The following NSUN7 variants were observed in gnomAD, a reference collection of about 807,000 sequenced individuals.
NSUN7 encodes protein NSUN7.
A neutral mutation model predicts 58.5 loss-of-function variants in NSUN7; 39 were observed. The observed-to-expected ratio is 0.67, with a 90% confidence interval of 0.52 to 0.87. The LOEUF is 0.87. Ranked by LOEUF, NSUN7 falls within the 40% of genes least tolerant of loss-of-function variation. NSUN7 has a pLI of 0.00. For synonymous variants in NSUN7, 278 were observed against 303.7 expected, an observed-to-expected ratio of 0.92 and a Z score of 0.88; for missense variants, 765 against 844.1, an observed-to-expected ratio of 0.91 and a Z score of 1.16.
chr4:40,794,463 A>G lies in NSUN7; in HGVS notation c.1269A>G (p.Thr423=). The G allele has an allele frequency of 6.2e-7, 1 of 1,604,350 alleles. No individual in the cohort carries two copies. The highest frequency in any genetic ancestry group is 1.3e-5 in the African/African-American group (1 of 74,826). The change falls in exon 9 of 12, where the codon ACA becomes ACG. Residue 423 remains threonine, a synonymous_variant. Coordinates refer to ENST00000381782, the MANE Select transcript of NSUN7 (RefSeq NM_024677.6). The part of the protein sequence containing the change: ...VLAQQQYEQL[T]HAMKFTKAQA... ...CTCAACAGCAGTATGAACAGCTAAC[A>G]CATGCAATGAAATGTAAGGTTGTCA... is the stretch of plus-strand genomic sequence containing the variant.
intron 10 of NSUN7, among the ~76,000 whole-genome samples, chr4:40,805,652 T>A (rs957374295): frequency 1.3e-5 from 2 of 152,166 alleles, no homozygotes; most frequent in Non-Finnish European, 2.9e-5. Context: ...TGGCTTATGA[T>A]AACAAACATT....
intron 7 of NSUN7, among the ~76,000 whole-genome samples, chr4:40,785,136 A>C (rs1331216884): frequency 1.3e-5 from 2 of 151,834 alleles, no homozygotes; most frequent in African/African-American, 4.8e-5. Context: ...CCTGGGTGCA[A>C]ACAGTCCTCC....
chr4:40,793,774 A>G (rs545797783), intron 8 of NSUN7, among the ~76,000 whole-genome samples: 1 of 152,360 alleles, frequency 6.6e-6, no homozygotes, highest in South Asian at 2.1e-4. Flanking sequence ...TAATTCTTCA[A>G]GAGGTCGTTA....
At chr4:40,774,636 A>G (rs1354992171) in intron 5 of NSUN7, 131 bp from the exon 6 acceptor site, 1 of 719,430 alleles carries the variant, frequency 1.4e-6, no homozygotes, top group African/African-American at 1.8e-5. Flanking sequence ...ATTGTTGGTT[A>G]AAATTGTTAG....
At chr4:40,792,593 T>C (rs1409214725) in intron 8 of NSUN7, among the ~76,000 whole-genome samples, 2 of 151,856 alleles carry the variant, frequency 1.3e-5, no homozygotes, top group South Asian at 2.1e-4. Context: ...CTACTAAAAA[T>C]ACAAAAAATT....
intron 10 of NSUN7, among the ~76,000 whole-genome samples, chr4:40,802,098 T>C (rs948121385): frequency 3.9e-5 from 6 of 152,154 alleles, no homozygotes; most frequent in Non-Finnish European, 7.3e-5. Context: ...AATTGAGTTT[T>C]CTGCTGTTTA....
intron 7 of NSUN7, among the ~76,000 whole-genome samples, chr4:40,787,564 C>T (rs991430063): frequency 1.3e-5 from 2 of 151,946 alleles, no homozygotes; most frequent in African/African-American, 2.4e-5. Context: ...GACAACTTGC[C>T]AAAACTGAGA....
At chr4:40,760,384 T>G in intron 2 of NSUN7, 50 bp from the exon 3 acceptor site, 1 of 1,418,768 alleles carries the variant, frequency 7.0e-7, no homozygotes, top group East Asian at 2.3e-5. Context: ...TCCAGAGTTT[T>G]CATTTTCCGC....
Position 40,761,300 on chromosome 4 carries a change from A to G in NSUN7, c.487A>G (p.Ser163Gly). The G allele has an allele frequency of 3.1e-6, 5 of 1,598,006 alleles. No individual in the cohort carries two copies. Among genetic ancestry groups the G allele is most frequent in the Non-Finnish European group, 4.3e-6 (5 of 1,174,516 alleles). ...TCAAGAAGTAGAGAACCTTCTTAAC[A>G]GGTAATCGTAAAAGTGAAAAGAATG... is the stretch of plus-strand genomic sequence containing the variant. ...EVQEVENLLN[S>G]FKIKLAAALA... The change falls in exon 4 of 12, where the codon AGT becomes GGT. Residue 163 changes from serine to glycine, a missense_variant and splice_region_variant. Coordinates refer to ENST00000381782, the MANE Select transcript of NSUN7 (RefSeq NM_024677.6).
intron 10 of NSUN7, among the ~76,000 whole-genome samples, chr4:40,801,915 A>AAAAAG (rs1560564979): frequency 6.0e-5 from 9 of 150,328 alleles, no homozygotes; most frequent in Non-Finnish European, 7.4e-5. Context: ...AAAAAAAAAA[A>AAAAAG]AAAAGAAAAG....
At chr4:40,806,963 T>C in intron 10 of NSUN7, 98 bp from the exon 11 acceptor site, 2 of 1,268,246 alleles carry the variant, frequency 1.6e-6, no homozygotes, top group African/African-American at 1.5e-5. Context: ...AAACGATTGG[T>C]AAAGTATACT....
chr4:40,776,621 T>G (rs1742281908), intron 7 of NSUN7: 1 of 181,444 alleles, frequency 5.5e-6, no homozygotes, highest in Non-Finnish European at 1.2e-5. Context: ...AGAAGCTAAG[T>G]CTTTTTTTTT....
At chr4:40,783,704 C>T (rs921837678) in intron 7 of NSUN7, among the ~76,000 whole-genome samples, 8 of 151,876 alleles carry the variant, frequency 5.3e-5, no homozygotes, top group South Asian at 2.1e-4. Context: ...AAAAATTAGC[C>T]GGGAATGGTG....
At position 40,792,735 on chromosome 4, in the gene NSUN7, GC is replaced by G. The variant is rs1253335139; in HGVS notation, c.1181-1639del. ...CCACTGCACTCCAGCCTGGGCGACA[GC>G]AAGACTCCATCTCATTTAAAAAAAA... is the stretch of plus-strand genomic sequence containing the variant. On this transcript the variant is annotated intron_variant, in intron 8 of 11. Transcript: ENST00000381782. 7.0e-4 allele frequency among the ~76,000 whole-genome samples: 104 copies of G among 149,556 alleles called. No individual in the cohort carries two copies. In the Admixed American group the frequency reaches 7.0e-3, roughly 10 times the overall value.
At chr4:40,789,033 T>A (rs1055981338) in intron 7 of NSUN7, among the ~76,000 whole-genome samples, 4 of 152,280 alleles carry the variant, frequency 2.6e-5, no homozygotes, top group Admixed American at 2.6e-4. Flanking sequence ...GAAAAAGGGT[T>A]TTAGAATTAG....
Position 40,807,157 on chromosome 4 carries a change from T to C in NSUN7, c.1497T>C (p.Gly499=). The C allele has an allele frequency of 6.5e-7, 1 of 1,549,064 alleles. No homozygotes were observed. The highest frequency in any genetic ancestry group is 8.7e-7 in the Non-Finnish European group (1 of 1,146,294). Residue 499 remains glycine, a synonymous_variant, in exon 11 of 12, where the codon GGT becomes GGC. Transcript: ENST00000381782. Reference sequence around the variant, plus strand: ...TGGAACCATCTGAAATTACCAATGGTTGTTTTCTTTCTATTTTAACAAGGG... The same window carrying C: ...TGGAACCATCTGAAATTACCAATGGCTGTTTTCTTTCTATTTTAACAAGGG... ...FRMEPSEITN[G]CFLSILTRER...
intron 8 of NSUN7, among the ~76,000 whole-genome samples, chr4:40,792,592 A>G (rs970924182): frequency 1.3e-5 from 2 of 152,116 alleles, no homozygotes; most frequent in Non-Finnish European, 2.9e-5. Flanking sequence ...TCTACTAAAA[A>G]TACAAAAAAT....
intron 3 of NSUN7, among the ~76,000 whole-genome samples, chr4:40,760,862 C>CA (rs540410744): frequency 0.094 from 5,622 of 59,594 alleles, 174 homozygotes; most frequent in African/African-American, 0.12. Flanking sequence ...AACTCCGTCT[C>CA]AAAAAAAAAA....
chr4:40,787,426 CAT>C (rs1742884400), intron 7 of NSUN7, among the ~76,000 whole-genome samples: 1 of 150,888 alleles, frequency 6.6e-6, no homozygotes, highest in Admixed American at 6.6e-5. Context: ...AGAAAAAGAA[CAT>C]AAAACAATTC....
Sources: gnomAD v4.1 joint callset for allele counts (sites outside exome capture counted in the v4.1 genomes callset) on GRCh38, gnomAD v4.1.1 for gene constraint, MANE v1.5 for transcripts, NCBI Gene and HGNC (gene_info 2026-07-23, HGNC 2026-07-21) for gene names.